The following RNF150 variants were observed in gnomAD, a reference collection of about 807,000 sequenced individuals.
RNF150 encodes the protein ring finger protein 150.
RNF150 carries 24 observed loss-of-function variants against 39.3 expected under a neutral mutation model. The observed-to-expected ratio is 0.61, with a 90% CI of 0.44 to 0.86. The LOEUF is 0.86. Among genes scored for constraint, RNF150 ranks in the 40% least tolerant of loss-of-function variants. RNF150 has a pLI of 0.00. For missense variants in RNF150, 502 were observed against 587.8 expected, an observed-to-expected ratio of 0.85 and a Z score of 1.51; for synonymous variants, 255 against 227.3, an observed-to-expected ratio of 1.12 and a Z score of -1.10.
chr4:140,902,306 C>A (rs1730216534), intron 6 of RNF150, among the ~76,000 whole-genome samples: 1 of 152,116 alleles, frequency 6.6e-6, no homozygotes, highest in South Asian at 2.1e-4. Context: ...AGCCTGAGCA[C>A]TGGGAAGTAA....
At chr4:141,008,882 T>TGCTTTGCATTTTTA (rs771472359) in intron 1 of RNF150, among the ~76,000 whole-genome samples, 8 of 152,170 alleles carry the variant, frequency 5.3e-5, no homozygotes, top group Admixed American at 1.3e-4. Context: ...ATCCAGGTTA[T>TGCTTTGCATTTTTA]CCTAAGCGCT....
At chr4:141,027,319 G>A (rs973820022) in intron 1 of RNF150, among the ~76,000 whole-genome samples, 1 of 152,156 alleles carries the variant, frequency 6.6e-6, no homozygotes, top group Admixed American at 6.6e-5. Context: ...TAGGATATAG[G>A]TTCTAAGTGT....
intron 1 of RNF150, among the ~76,000 whole-genome samples, chr4:140,977,970 C>T (rs889538935): frequency 2.0e-5 from 3 of 152,078 alleles, no homozygotes; most frequent in Non-Finnish European, 4.4e-5. Flanking sequence ...CATGGTATTA[C>T]CATACTTGTT....
chr4:140,902,156 G>A (rs1310760625), intron 6 of RNF150, among the ~76,000 whole-genome samples: 3 of 152,192 alleles, frequency 2.0e-5, no homozygotes, highest in Non-Finnish European at 4.4e-5. Context: ...GATAAGAGCT[G>A]ATAAGGGCTT....
intron 1 of RNF150, among the ~76,000 whole-genome samples, chr4:141,003,521 A>T (rs1260289359): frequency 6.6e-6 from 1 of 150,952 alleles, no homozygotes; most frequent in Non-Finnish European, 1.5e-5. Context: ...CTTTGGTAAC[A>T]TTTCCCACAT....
At chr4:141,078,363 G>T (rs575927205) in intron 1 of RNF150, among the ~76,000 whole-genome samples, 2 of 152,260 alleles carry the variant, frequency 1.3e-5, no homozygotes, top group African/African-American at 4.8e-5. Context: ...TACTGGGGGA[G>T]GAGTGGGGCT....
intron 1 of RNF150, among the ~76,000 whole-genome samples, chr4:141,194,170 C>T (rs1255250878): frequency 6.6e-6 from 1 of 152,156 alleles, no homozygotes; most frequent in Non-Finnish European, 1.5e-5. Flanking sequence ...GTACCCATTG[C>T]TTGCACTAAT....
chr4:141,011,270 G>T (rs1171456143), intron 1 of RNF150, among the ~76,000 whole-genome samples: 4 of 151,810 alleles, frequency 2.6e-5, no homozygotes, highest in African/African-American at 9.7e-5. Context: ...AAAAACCTGT[G>T]GATTTTCATT....
chr4:141,076,806 GT>G (rs1737912984), intron 1 of RNF150, among the ~76,000 whole-genome samples: 2 of 150,962 alleles, frequency 1.3e-5, no homozygotes, highest in Admixed American at 6.6e-5. Context: ...AAATAGTTTA[GT>G]TTTTTTCATT....
chr4:140,952,290 G>A (rs1732570704), intron 2 of RNF150, among the ~76,000 whole-genome samples: 1 of 152,166 alleles, frequency 6.6e-6, no homozygotes, highest in African/African-American at 2.4e-5. Context: ...GGGATTACAG[G>A]CATGAGCCAC....
chr4:140,916,883 A>G (rs1041493820), intron 5 of RNF150, among the ~76,000 whole-genome samples: 1 of 152,246 alleles, frequency 6.6e-6, no homozygotes, highest in African/African-American at 2.4e-5. Flanking sequence ...GTGGGAGCCA[A>G]TATTCAATAT....
At chr4:141,178,082 C>G (rs1400329983) in intron 1 of RNF150, among the ~76,000 whole-genome samples, 1 of 152,056 alleles carries the variant, frequency 6.6e-6, no homozygotes, top group Admixed American at 6.5e-5. Context: ...TTTCATTAAA[C>G]CCCTAGAATG....
At chr4:141,029,386 G>A (rs182726399) in intron 1 of RNF150, among the ~76,000 whole-genome samples, 66 of 152,274 alleles carry the variant, frequency 4.3e-4, no homozygotes, top group African/African-American at 1.6e-3. Flanking sequence ...TTTGGCATAT[G>A]AGACATAAAG....
At chr4:141,167,097 C>G (rs1310825930) in intron 1 of RNF150, among the ~76,000 whole-genome samples, 1 of 152,096 alleles carries the variant, frequency 6.6e-6, no homozygotes, top group Non-Finnish European at 1.5e-5. Flanking sequence ...TCAGCAAAGT[C>G]TCAGGATACA....
intron 4 of RNF150, among the ~76,000 whole-genome samples, chr4:140,933,088 G>A (rs1731713946): frequency 6.6e-6 from 1 of 152,220 alleles, no homozygotes; most frequent in Non-Finnish European, 1.5e-5. Context: ...TGCTTCATTA[G>A]TAAGTGTTCA....
At position 141,133,097 on chromosome 4, in the gene RNF150, T is replaced by A; in HGVS notation, c.-289A>T. 5.7e-6 allele frequency: 2 copies of A among 353,712 alleles called. No individual in the cohort carries two copies. Among genetic ancestry groups the A allele is most frequent in the Non-Finnish European group, 1.0e-5 (2 of 192,928 alleles). 21.9% of individuals were successfully genotyped at this position (353,712 alleles called of 1,614,324 possible). A position where few individuals can be genotyped will look rare whatever the true frequency, so the allele number is the denominator to read the frequency against. On this transcript the variant is annotated 5_prime_UTR_variant, in exon 1 of 7. Coordinates refer to ENST00000515673, the MANE Select transcript of RNF150 (RefSeq NM_020724.2). ...CGCGGGGCTTGCGGAGGAGTCCTGC[T>A]GCCGAGCGTCCTGCTCCTTCGCCCG...
At chr4:140,935,824 TA>T (rs1040915433) in intron 4 of RNF150, among the ~76,000 whole-genome samples, 2 of 152,182 alleles carry the variant, frequency 1.3e-5, no homozygotes, top group African/African-American at 2.4e-5. Context: ...ACAAAATGCA[TA>T]AACCTTAAGT....
chr4:140,891,049 T>C (rs1729737271), intron 6 of RNF150, among the ~76,000 whole-genome samples: 1 of 152,232 alleles, frequency 6.6e-6, no homozygotes, highest in Non-Finnish European at 1.5e-5. Context: ...GTCACCTGTC[T>C]GCACCTATTA....
chr4:140,914,331 T>A (rs529906280), intron 5 of RNF150, among the ~76,000 whole-genome samples: 1 of 152,332 alleles, frequency 6.6e-6, no homozygotes, highest in African/African-American at 2.4e-5. Context: ...GGAACAATAT[T>A]TTGAAAAGAA....
Sources: gnomAD v4.1 joint callset for allele counts (sites outside exome capture counted in the v4.1 genomes callset) on GRCh38, gnomAD v4.1.1 for gene constraint, MANE v1.5 for transcripts, NCBI Gene and HGNC (gene_info 2026-07-23, HGNC 2026-07-21) for gene names.